The following PHKB variants were observed in gnomAD, a reference collection of about 807,000 sequenced individuals.
PHKB encodes the protein phosphorylase b kinase regulatory subunit beta.
A neutral mutation model predicts 152.1 loss-of-function variants in PHKB; 122 were observed. That is an observed-to-expected ratio of 0.80 (90% CI 0.69 to 0.93). The LOEUF (loss-of-function observed/expected upper bound fraction) is 0.93. Ranked by LOEUF, PHKB falls within the 40% of genes least tolerant of loss-of-function variation. The probability of loss-of-function intolerance (pLI) is 0.00; values close to 1 mark genes in which losing one functional copy is unlikely to be tolerated. For missense variants in PHKB, 1,304 were observed against 1,328.4 expected (o/e 0.98, Z 0.29); for synonymous variants, 436 against 464.9 (o/e 0.94, Z 0.80).
chr16:47,485,624 GTAT>G (rs761509309), intron 1 of PHKB, among the ~76,000 whole-genome samples: 2 of 152,086 alleles, frequency 1.3e-5, no homozygotes, highest in Non-Finnish European at 2.9e-5. Context: ...TGGTTCGTTC[GTAT>G]TTATTTATCT....
chr16:47,668,523 A>G (rs146682547), intron 25 of PHKB, among the ~76,000 whole-genome samples: 346 of 152,312 alleles, frequency 2.3e-3, no homozygotes, highest in African/African-American at 8.0e-3. Context: ...CCAAGTATAG[A>G]GGAGAGAGAG....
At chr16:47,593,678 T>G (rs1972070436) in intron 11 of PHKB, 121 bp downstream of exon 11, 1 of 701,690 alleles carries the variant, frequency 1.4e-6, no homozygotes, top group East Asian at 2.7e-5. Flanking sequence ...AAAAATAGAC[T>G]GCGCTTCAGT....
chr16:47,537,508 T>G (rs969953669), intron 6 of PHKB, among the ~76,000 whole-genome samples: 4 of 152,248 alleles, frequency 2.6e-5, no homozygotes, highest in African/African-American at 9.6e-5. Flanking sequence ...TTCAGAAAAC[T>G]GGCCCTTTTC....
At chr16:47,686,284 G>T (rs1471617082) in intron 26 of PHKB, among the ~76,000 whole-genome samples, 2 of 152,100 alleles carry the variant, frequency 1.3e-5, no homozygotes, top group African/African-American at 4.8e-5. Context: ...TCAAGTTAGT[G>T]GCAGAGTTTA....
chr16:47,621,431 T>G (rs1972615407), intron 14 of PHKB, among the ~76,000 whole-genome samples: 1 of 152,218 alleles, frequency 6.6e-6, no homozygotes, highest in Admixed American at 6.5e-5. Context: ...CTAAATCTAT[T>G]CAGTTTTTAA....
intron 1 of PHKB, among the ~76,000 whole-genome samples, chr16:47,492,018 G>A (rs1218996181): frequency 6.6e-6 from 1 of 152,132 alleles, no homozygotes; most frequent in African/African-American, 2.4e-5. Flanking sequence ...CTTTACTAAA[G>A]GCTCAGAGAA....
chr16:47,625,356 CT>C (rs1816105700), intron 14 of PHKB, among the ~76,000 whole-genome samples: 1 of 152,210 alleles, frequency 6.6e-6, no homozygotes. Flanking sequence ...GTTTGAAACC[CT>C]TTTAAGTAGC....
rs1189750988 is a variant in PHKB at position 47,650,581 on chromosome 16, A to G, written c.1835A>G (p.His612Arg). 1.2e-6 allele frequency: 2 copies of G among 1,611,524 alleles called. No individual in the cohort carries two copies. Among genetic ancestry groups the G allele is most frequent in the South Asian group, 1.1e-5 (1 of 91,034 alleles). Residue 612 changes from histidine to arginine, a missense_variant, in exon 19 of 31, where the codon CAT becomes CGT. Coordinates refer to ENST00000323584, the MANE Select transcript of PHKB (RefSeq NM_000293.3). ...LQFIKQYWKM[H>R]GRPLFLVLIR... ...TTCATTAAACAATATTGGAAAATGC[A>G]TGGACGTCCACTTTTCCTTGTTCTC... is the stretch of plus-strand genomic sequence containing the variant.
rs192489816 is a variant in PHKB at position 47,622,842 on chromosome 16, G to A, written c.1458+11922G>A. 5.4e-4 allele frequency among the ~76,000 whole-genome samples: 82 copies of A among 152,282 alleles called. No individual in the cohort carries two copies. In the Middle Eastern group the frequency reaches 0.01, roughly 19 times the overall value. ...TATAGATCTCAGCTAAAAACATATA[G>A]TACACTTGGTCTCTCATTTTTCAAA... On this transcript the variant is annotated intron_variant, in intron 14 of 30. Transcript: ENST00000323584.
chr16:47,665,476 A>T (rs1973522054), intron 25 of PHKB: 2 of 249,344 alleles, frequency 8.0e-6, no homozygotes, highest in Non-Finnish European at 1.6e-5. Flanking sequence ...AAAATTCAGT[A>T]CTAAGTGAAT....
At chr16:47,468,765 TCTC>T (rs1378401914) in intron 1 of PHKB, among the ~76,000 whole-genome samples, 1 of 152,190 alleles carries the variant, frequency 6.6e-6, no homozygotes, top group African/African-American at 2.4e-5. Flanking sequence ...CTCACAGAAT[TCTC>T]CTCTTCTTCT....
At chr16:47,560,897 T>A in intron 7 of PHKB, among the ~76,000 whole-genome samples, 1 of 152,186 alleles carries the variant, frequency 6.6e-6, no homozygotes, top group East Asian at 1.9e-4. Flanking sequence ...AGATAGAAGA[T>A]ATATTTTGTG....
chr16:47,609,864 A>G (rs2151708681), intron 13 of PHKB, among the ~76,000 whole-genome samples: 1 of 152,176 alleles, frequency 6.6e-6, no homozygotes, highest in African/African-American at 2.4e-5. Context: ...TTAAGAAACT[A>G]CTTTTGATTT....
chr16:47,602,460 A>G (rs2151705051), intron 13 of PHKB, among the ~76,000 whole-genome samples: 1 of 152,064 alleles, frequency 6.6e-6, no homozygotes, highest in South Asian at 2.1e-4. Flanking sequence ...ACACCCAGCA[A>G]ACTTGTAACC....
chr16:47,543,693 A>G (rs969945928), intron 6 of PHKB, among the ~76,000 whole-genome samples: 2 of 152,162 alleles, frequency 1.3e-5, no homozygotes, highest in Non-Finnish European at 2.9e-5. Context: ...TTATTGATCT[A>G]TTCAGCTATT....
At chr16:47,638,498 G>GA (rs1354492870) in intron 14 of PHKB, among the ~76,000 whole-genome samples, 3 of 152,146 alleles carry the variant, frequency 2.0e-5, no homozygotes, top group Non-Finnish European at 4.4e-5. Context: ...CTGCAGAAAT[G>GA]AAAAATTGGA....
At chr16:47,562,174 AT>A (rs1038663447) in intron 7 of PHKB, 1 of 152,232 alleles carries the variant, frequency 6.6e-6, no homozygotes, top group African/African-American at 2.4e-5. Context: ...GCTCATTTTA[AT>A]TCTGTAAGAA....
At position 47,548,319 on chromosome 16, in the gene PHKB, A is replaced by C. The variant is rs148667693; in HGVS notation, c.710+771A>C. On this transcript the variant is annotated intron_variant, in intron 7 of 30. Coordinates refer to ENST00000323584, the MANE Select transcript of PHKB (RefSeq NM_000293.3). ...TGGGACTTAAATTAAGTAAAGAAAC[A>C]GTCTAGAGGCTGGGCACGGTGGCTC... Among the ~76,000 whole-genome samples, 1,138 of 152,298 alleles carry C rather than the reference A, an allele frequency of 7.5e-3. 18 individuals carry two copies. Among genetic ancestry groups the C allele is most frequent in the African/African-American group, 0.026 (1,078 of 41,570 alleles).
intron 4 of PHKB, among the ~76,000 whole-genome samples, chr16:47,506,640 T>C (rs1567283971): frequency 1.3e-5 from 2 of 152,180 alleles, no homozygotes; most frequent in Admixed American, 6.5e-5. Flanking sequence ...AAATCATGAC[T>C]TTCATGGGTT....
Sources: allele counts gnomAD v4.1 joint callset (sites outside exome capture counted in the v4.1 genomes callset), GRCh38; gene constraint gnomAD v4.1.1; transcripts MANE v1.5; gene names NCBI Gene and HGNC (gene_info 2026-07-23, HGNC 2026-07-21).